SLC24A3: variants seen among roughly 807,000 people sequenced by gnomAD.
SLC24A3 encodes solute carrier family 24 member 3.
SLC24A3 carries 28 observed loss-of-function variants against 75.8 expected under a neutral mutation model. The observed-to-expected ratio is 0.37, with a 90% confidence interval of 0.27 to 0.51. The LOEUF (loss-of-function observed/expected upper bound fraction) is 0.51, where lower values mean the gene tolerates loss of function less well. SLC24A3 is among the 20% of genes least tolerant of loss of function. The pLI, the probability that SLC24A3 is intolerant of heterozygous loss-of-function variation, is 0.94. For missense variants in SLC24A3, 663 were observed against 847.8 expected, an observed-to-expected ratio of 0.78 and a Z score of 2.71; for synonymous variants, 372 against 334.1, an observed-to-expected ratio of 1.11 and a Z score of -1.24.
chr20:19,477,829 C>T (rs572532189), intron 2 of SLC24A3, among the ~76,000 whole-genome samples: 2 of 152,312 alleles, frequency 1.3e-5, no homozygotes, highest in East Asian at 3.9e-4. Context: ...CTGTGTGATA[C>T]AAAACCATTA....
intron 14 of SLC24A3, 28 bp downstream of exon 14, chr20:19,696,939 G>C (rs1283678902): frequency 1.1e-6 from 1 of 930,234 alleles, no homozygotes; most frequent in Admixed American, 1.9e-5. Flanking sequence ...AATGGGGAAG[G>C]AGGGAGGGAG....
At chr20:19,474,695 C>G (rs7262504) in intron 2 of SLC24A3, among the ~76,000 whole-genome samples, 52,089 of 152,066 alleles carry the variant, frequency 0.34, 9,366 homozygotes, top group African/African-American at 0.45. Flanking sequence ...AGCTAATTAA[C>G]ATATTCATCA....
At chr20:19,378,139 C>T (rs540155274) in intron 2 of SLC24A3, among the ~76,000 whole-genome samples, 1 of 152,124 alleles carries the variant, frequency 6.6e-6, no homozygotes, top group Non-Finnish European at 1.5e-5. Flanking sequence ...GAGTGCTCTC[C>T]AGGAACGAGA....
intron 2 of SLC24A3, among the ~76,000 whole-genome samples, chr20:19,294,209 A>G (rs536746151): frequency 1.3e-5 from 2 of 152,350 alleles, no homozygotes; most frequent in East Asian, 3.9e-4. Context: ...TAAAATCTAT[A>G]AATGGAAATC....
intron 6 of SLC24A3, among the ~76,000 whole-genome samples, chr20:19,648,249 C>G (rs925935785): frequency 6.6e-6 from 1 of 152,194 alleles, no homozygotes; most frequent in African/African-American, 2.4e-5. Flanking sequence ...GAGCCCCATC[C>G]TCACTGCAGA....
intron 5 of SLC24A3, 137 bp downstream of exon 5, chr20:19,585,192 C>T: frequency 1.2e-6 from 1 of 800,268 alleles, no homozygotes; most frequent in African/African-American, 1.7e-5. Flanking sequence ...AGTAGAACAT[C>T]AGCCTCCCAT....
chr20:19,516,692 A>G (rs1294122177), intron 3 of SLC24A3, among the ~76,000 whole-genome samples: 1 of 152,254 alleles, frequency 6.6e-6, no homozygotes, highest in East Asian at 1.9e-4. Flanking sequence ...AGCCTCAGGC[A>G]GTCAGACTTC....
intron 1 of SLC24A3, among the ~76,000 whole-genome samples, chr20:19,220,934 C>T (rs1438206131): frequency 1.3e-5 from 2 of 152,188 alleles, no homozygotes; most frequent in East Asian, 3.8e-4. Context: ...TTTTGCTGTT[C>T]GTCATTGAGG....
In SLC24A3 at chr20:19,440,629, G is replaced by A. The variant is rs1987280667; in HGVS notation, c.272-74859G>A. ...TGGAAAAATCTAGAAACAGTTCCTG[G>A]AGGAGAGGCCTCACTGTTTTTTTTT... is the stretch of plus-strand genomic sequence containing the variant. On this transcript the variant is annotated intron_variant, in intron 2 of 16. Coordinates refer to ENST00000328041, the MANE Select transcript of SLC24A3 (RefSeq NM_020689.4). Among the ~76,000 whole-genome samples the A allele has an allele frequency of 2.0e-5, 3 of 148,400 alleles. No homozygotes were observed. In the South Asian group the frequency reaches 6.5e-4, roughly 32 times the overall value.
intron 8 of SLC24A3, among the ~76,000 whole-genome samples, chr20:19,672,150 TAGAGA>T (rs2032476613): frequency 6.6e-6 from 1 of 152,090 alleles, no homozygotes; most frequent in Non-Finnish European, 1.5e-5. Flanking sequence ...GAAGTTAGGC[TAGAGA>T]AATTTGCCAA....
intron 7 of SLC24A3, among the ~76,000 whole-genome samples, chr20:19,663,755 C>T (rs930480057): frequency 2.0e-5 from 3 of 151,996 alleles, no homozygotes; most frequent in Admixed American, 6.6e-5. Flanking sequence ...CCAATCTCAC[C>T]CGGATTTGCC....
At chr20:19,316,617 T>A (rs1229165857) in intron 2 of SLC24A3, among the ~76,000 whole-genome samples, 1 of 152,186 alleles carries the variant, frequency 6.6e-6, no homozygotes, top group Non-Finnish European at 1.5e-5. Flanking sequence ...AGACACCAAG[T>A]CGTGCCGACT....
At chr20:19,595,399 T>G (rs1371845779) in intron 6 of SLC24A3, among the ~76,000 whole-genome samples, 2 of 152,050 alleles carry the variant, frequency 1.3e-5, no homozygotes, top group Non-Finnish European at 2.9e-5. Context: ...CAGGGGAGGA[T>G]GAGTATATGA....
chr20:19,441,770 A>G (rs1175140996), intron 2 of SLC24A3, among the ~76,000 whole-genome samples: 2 of 152,158 alleles, frequency 1.3e-5, no homozygotes, highest in Non-Finnish European at 2.9e-5. Flanking sequence ...TGTATCCATC[A>G]TTACTGTATC....
chr20:19,293,318 C>T (rs746867712), intron 2 of SLC24A3, among the ~76,000 whole-genome samples: 8 of 152,154 alleles, frequency 5.3e-5, no homozygotes, highest in Non-Finnish European at 1.2e-4. Context: ...TCATGCAGGA[C>T]ATTGGCCCCT....
chr20:19,565,671 G>A (rs1315249692), intron 3 of SLC24A3, among the ~76,000 whole-genome samples: 2 of 152,036 alleles, frequency 1.3e-5, no homozygotes, highest in South Asian at 4.2e-4. Context: ...CTTTTTCCTT[G>A]TATTGATTCC....
In SLC24A3 at chr20:19,382,844, G is replaced by T. The variant is rs529580866; in HGVS notation, c.271+101757G>T. 5.3e-5 allele frequency among the ~76,000 whole-genome samples: 8 copies of T among 152,252 alleles called. No individual in the cohort carries two copies. In the South Asian group the frequency reaches 8.3e-4, roughly 16 times the overall value. ...AGCCAGGATAGATGATGGGGCTGCAGTGTGCTCCGATATATTCACTCAAGT... is the reference window on the plus strand; with the variant it reads ...AGCCAGGATAGATGATGGGGCTGCATTGTGCTCCGATATATTCACTCAAGT... On this transcript the variant is annotated intron_variant, in intron 2 of 16. Coordinates refer to ENST00000328041, the MANE Select transcript of SLC24A3 (RefSeq NM_020689.4).
chr20:19,280,554 A>G (rs943550342), intron 1 of SLC24A3, among the ~76,000 whole-genome samples: 2 of 152,160 alleles, frequency 1.3e-5, no homozygotes, highest in African/African-American at 2.4e-5. Flanking sequence ...CATTGGCTAC[A>G]ATGGGAATAT....
At chr20:19,398,301 A>G (rs951618342) in intron 2 of SLC24A3, among the ~76,000 whole-genome samples, 2 of 152,172 alleles carry the variant, frequency 1.3e-5, no homozygotes, top group Admixed American at 1.3e-4. Context: ...GAGTCTTCCA[A>G]CACATGAATA....
Sources: allele counts gnomAD v4.1 joint callset (sites outside exome capture counted in the v4.1 genomes callset), GRCh38; gene constraint gnomAD v4.1.1; transcripts MANE v1.5; gene names NCBI Gene and HGNC (gene_info 2026-07-23, HGNC 2026-07-21).